MSL1: variants seen among roughly 807,000 people sequenced by gnomAD.
The protein encoded by MSL1 is male-specific lethal 1 homolog.
Under a neutral mutation model 64.6 loss-of-function variants are expected in MSL1, and 21 were observed. That is an observed-to-expected ratio of 0.33 (90% CI 0.23 to 0.47). The LOEUF is 0.47. MSL1 is among the 20% of genes least tolerant of loss of function. The probability of loss-of-function intolerance (pLI) is 1.00; values close to 1 mark genes in which losing one functional copy is unlikely to be tolerated. For missense variants in MSL1, 664 were observed against 793.2 expected, an observed-to-expected ratio of 0.84 and a Z score of 1.96; for synonymous variants, 339 against 329.6, an observed-to-expected ratio of 1.03 and a Z score of -0.31.
chr17:40,134,515 A>C lies in MSL1; in HGVS notation c.*146A>C. ...ATACTTCCTTGACTTTGTTTTCATTACTCTGATTTCACAAAAACTCTTTCA... is the reference window on the plus strand; with the variant it reads ...ATACTTCCTTGACTTTGTTTTCATTCCTCTGATTTCACAAAAACTCTTTCA... On this transcript the variant is annotated 3_prime_UTR_variant, in exon 9 of 9. Coordinates refer to ENST00000398532, the MANE Select transcript of MSL1 (RefSeq NM_001365919.1). The C allele has an allele frequency of 1.5e-6, 1 of 659,398 alleles. No individual in the cohort carries two copies. The highest frequency in any genetic ancestry group is 2.6e-6 in the Non-Finnish European group (1 of 385,906). The allele number at this position is 659,398 out of a possible 1,614,324, so 40.8% of individuals were successfully genotyped here. A position where few individuals can be genotyped will look rare whatever the true frequency, so the allele number is the denominator to read the frequency against.
intron 1 of MSL1, among the ~76,000 whole-genome samples, chr17:40,124,292 A>G (rs1398724379): frequency 3.3e-5 from 5 of 151,618 alleles, no homozygotes; most frequent in African/African-American, 9.7e-5. Context: ...GGTTTCTACA[A>G]TTGTTGTGTT....
At chr17:40,133,018 T>C in intron 5 of MSL1, 24 bp from the exon 6 acceptor site, 1 of 1,599,768 alleles carries the variant, frequency 6.3e-7, no homozygotes, top group Non-Finnish European at 8.5e-7. Flanking sequence ...ATAAATAGCT[T>C]ATCAGCTGCT....
intron 1 of MSL1, among the ~76,000 whole-genome samples, chr17:40,125,265 C>A (rs1264597547): frequency 2.6e-5 from 4 of 152,090 alleles, no homozygotes; most frequent in Non-Finnish European, 5.9e-5. Context: ...TGTGTTACCT[C>A]AAATTCAAAG....
rs924206084 is a variant in MSL1 at position 40,122,990 on chromosome 17, C to T, written c.378C>T (p.Ser126=). Residue 126 remains serine, a synonymous_variant, in exon 1 of 9, where the codon AGC becomes AGT. Coordinates refer to ENST00000398532, the MANE Select transcript of MSL1 (RefSeq NM_001365919.1). The surrounding 1 kb of genome is among the most constrained non-coding windows in gnomAD (Gnocchi z 4.2). The part of the protein sequence containing the change: ...GEPAAAGAGC[S]PRPKYQAVLP... The stretch of plus-strand genomic sequence containing the variant: ...CTGCCGCAGCCGGAGCCGGCTGCAG[C>T]CCCCGGCCCAAGTATCAGGCGGTGC... The T allele has an allele frequency of 2.1e-5, 32 of 1,528,358 alleles. No homozygotes were observed. Among genetic ancestry groups the T allele is most frequent in the Non-Finnish European group, 2.7e-5 (31 of 1,144,210 alleles). The allele number at this position is 1,528,358 out of a possible 1,614,324, so 94.7% of individuals were successfully genotyped here.
rs1174277218 is a variant in MSL1, at chr17:40,122,530, C to G, written c.-83C>G. On this transcript the variant is annotated 5_prime_UTR_variant, in exon 1 of 9. Coordinates refer to ENST00000398532, the MANE Select transcript of MSL1 (RefSeq NM_001365919.1). The surrounding 1 kb of genome is among the most constrained non-coding windows in gnomAD (Gnocchi z 4.2). ...GGCGAGCCCGCCAAACTCCCCTCCCCCCCCTCAGTCCTCGACCCCCCGCAC... is the reference window on the plus strand; with the variant it reads ...GGCGAGCCCGCCAAACTCCCCTCCCGCCCCTCAGTCCTCGACCCCCCGCAC... 4 of 852,856 alleles carry G rather than the reference C, an allele frequency of 4.7e-6. No homozygotes were observed. The highest frequency in any genetic ancestry group is 1.8e-5 in the African/African-American group (1 of 55,764). The allele number at this position is 852,856 out of a possible 1,614,324, so 52.8% of individuals were successfully genotyped here.
Position 40,136,001 on chromosome 17 carries a change from TAAG to T in MSL1, c.*1633_*1635del, listed in dbSNP as rs949706527. The stretch of plus-strand genomic sequence containing the variant: ...CACTAGGGGCTCTCATCTCACACCT[TAAG>T]GAGGAGATTTCTAGAAAAACTGGGC... On this transcript the variant is annotated 3_prime_UTR_variant, in exon 9 of 9. Transcript: ENST00000398532. The T allele has an allele frequency of 1.3e-5, 2 of 152,284 alleles. No homozygotes were observed. Among genetic ancestry groups the T allele is most frequent in the Non-Finnish European group, 2.9e-5 (2 of 68,022 alleles). 9.4% of individuals were successfully genotyped at this position (152,284 alleles called of 1,614,324 possible).
chr17:40,125,079 A>G (rs897305554), intron 1 of MSL1, among the ~76,000 whole-genome samples: 4 of 152,238 alleles, frequency 2.6e-5, no homozygotes, highest in African/African-American at 9.6e-5. Context: ...TAACCCAGAT[A>G]AAATTCTTGT....
In MSL1 at chr17:40,122,354, A is replaced by C. The variant is rs987138896; in HGVS notation, c.-259A>C. The C allele has an allele frequency of 1.8e-5, 4 of 216,948 alleles. No individual in the cohort carries two copies. Among genetic ancestry groups the C allele is most frequent in the Non-Finnish European group, 3.5e-5 (4 of 113,240 alleles). 13.4% of individuals were successfully genotyped at this position (216,948 alleles called of 1,614,324 possible). On this transcript the variant is annotated 5_prime_UTR_variant, in exon 1 of 9. Transcript: ENST00000398532. This position sits in a 1 kb window ranked among gnomAD's most constrained non-coding sequence, Gnocchi z 4.2. ...GTGCGAGCTCCTGCCTCTGAGGCGA[A>C]GGCGGCGGCGGCGGCAGCAGAGGCG...
chr17:40,123,519 C>T, intron 1 of MSL1, 139 bp downstream of exon 1: 1 of 741,602 alleles, frequency 1.3e-6, no homozygotes, highest in Non-Finnish European at 2.2e-6. Context: ...ATCTTAGGCG[C>T]TGGGTCTCTG....
At chr17:40,134,228 A>G in intron 8 of MSL1, 51 bp from the exon 9 acceptor site, 1 of 1,484,116 alleles carries the variant, frequency 6.7e-7, no homozygotes, top group South Asian at 1.2e-5. Context: ...TCATGTCCAC[A>G]CTGAATCCCT....
intron 2 of MSL1, among the ~76,000 whole-genome samples, chr17:40,127,241 C>T (rs1412044026): frequency 2.0e-5 from 3 of 151,122 alleles, no homozygotes; most frequent in Middle Eastern, 3.2e-3. Flanking sequence ...GAGGTATGCA[C>T]CTGTAGTCCC....
intron 5 of MSL1, 91 bp from the exon 6 acceptor site, chr17:40,132,951 T>C: frequency 7.8e-7 from 1 of 1,274,428 alleles, no homozygotes; most frequent in South Asian, 1.3e-5. Context: ...GGTGAAAGAT[T>C]TTACGTTCCT....
chr17:40,128,387 T>C (rs1988368295), intron 2 of MSL1, among the ~76,000 whole-genome samples: 1 of 145,850 alleles, frequency 6.9e-6, no homozygotes, highest in Non-Finnish European at 1.5e-5. Context: ...TTTTTTTTTT[T>C]TTTCTGAGAC....
chr17:40,131,354 ATTTTC>A lies in MSL1; in HGVS notation c.1376-173_1376-169del, dbSNP rs1479242618. Reference sequence around the variant, plus strand: ...TGTAAAAAAAAAAAGTGGTGGGCTTATTTTCTTTTCTTTTGTCTGTTGTTCCCTCT... The same window carrying A: ...TGTAAAAAAAAAAAGTGGTGGGCTTATTTTCTTTTGTCTGTTGTTCCCTCT... On this transcript the variant is annotated intron_variant, in intron 3 of 8. Transcript: ENST00000398532. The surrounding 1 kb of genome is among the most constrained non-coding windows in gnomAD (Gnocchi z 4.5). The A allele has an allele frequency of 1.9e-5, 10 of 518,160 alleles. No individual in the cohort carries two copies. The highest frequency in any genetic ancestry group is 5.6e-5 in the South Asian group (2 of 35,670). 32.1% of individuals were successfully genotyped at this position (518,160 alleles called of 1,614,324 possible). A position where few individuals can be genotyped will look rare whatever the true frequency, so the allele number is the denominator to read the frequency against.
Position 40,135,622 on chromosome 17 carries a change from G to A in MSL1, c.*1253G>A, listed in dbSNP as rs1988524999. 6.6e-6 allele frequency: 1 copy of A among 152,362 alleles called. No homozygotes were observed. Among genetic ancestry groups the A allele is most frequent in the African/African-American group, 2.4e-5 (1 of 41,446 alleles). 9.4% of individuals were successfully genotyped at this position (152,362 alleles called of 1,614,324 possible). A position where few individuals can be genotyped will look rare whatever the true frequency, so the allele number is the denominator to read the frequency against. ...GATTATTAGCACTTTTAGAGGAGAAGCCAAGGTATGTAGGGTGTGTGGCTG... is the reference window on the plus strand; with the variant it reads ...GATTATTAGCACTTTTAGAGGAGAAACCAAGGTATGTAGGGTGTGTGGCTG... On this transcript the variant is annotated 3_prime_UTR_variant, in exon 9 of 9. Coordinates refer to ENST00000398532, the MANE Select transcript of MSL1 (RefSeq NM_001365919.1).
Position 40,122,480 on chromosome 17 carries a change from C to T in MSL1, c.-133C>T. 3.4e-6 allele frequency: 2 copies of T among 583,764 alleles called. No individual in the cohort carries two copies. The highest frequency in any genetic ancestry group is 5.2e-6 in the Non-Finnish European group (2 of 383,024). 36.2% of individuals were successfully genotyped at this position (583,764 alleles called of 1,614,324 possible). On this transcript the variant is annotated 5_prime_UTR_variant, in exon 1 of 9. Coordinates refer to ENST00000398532, the MANE Select transcript of MSL1 (RefSeq NM_001365919.1). This position sits in a 1 kb window ranked among gnomAD's most constrained non-coding sequence, Gnocchi z 4.2. ...CCGGGCCCCGGAGGAGCCGCGCTAG[C>T]GGAGGCCTGCTGCCGCGCTGCTGAG...
chr17:40,127,980 G>A (rs931470248), intron 2 of MSL1, among the ~76,000 whole-genome samples: 3 of 152,128 alleles, frequency 2.0e-5, no homozygotes, highest in Non-Finnish European at 2.9e-5. Context: ...AAAATTAGCC[G>A]GGTGTGGTGC....
rs899164342 is a variant in MSL1, at chr17:40,133,772, C to G, written c.1682-55C>G. 2.5e-6 allele frequency: 4 copies of G among 1,611,032 alleles called. No homozygotes were observed. In the African/African-American group the frequency reaches 4.0e-5, roughly 16 times the overall value. ...GTGTATTTTGGAGCAGATATAGCTTCTAGACATTTCCCATCTGTATTACTA... is the reference window on the plus strand; with the variant it reads ...GTGTATTTTGGAGCAGATATAGCTTGTAGACATTTCCCATCTGTATTACTA... On this transcript the variant is annotated intron_variant, in intron 7 of 8. Coordinates refer to ENST00000398532, the MANE Select transcript of MSL1 (RefSeq NM_001365919.1).
rs1453396650 is a variant in MSL1 at position 40,135,664 on chromosome 17, C to T, written c.*1295C>T. The T allele has an allele frequency of 6.6e-6, 1 of 152,166 alleles. No homozygotes were observed. Among genetic ancestry groups the T allele is most frequent in the Non-Finnish European group, 1.5e-5 (1 of 68,030 alleles). 9.4% of individuals were successfully genotyped at this position (152,166 alleles called of 1,614,324 possible). On this transcript the variant is annotated 3_prime_UTR_variant, in exon 9 of 9. Coordinates refer to ENST00000398532, the MANE Select transcript of MSL1 (RefSeq NM_001365919.1). ...GTGTGGCTGGCCCATCAGTGGAGCA[C>T]GAAGAGAGAATGGGATACCATTGTG...
Sources: allele counts gnomAD v4.1 joint callset (sites outside exome capture counted in the v4.1 genomes callset), GRCh38; gene constraint gnomAD v4.1.1; non-coding constraint Gnocchi (gnomAD v3.1); transcripts MANE v1.5; gene names NCBI Gene and HGNC (gene_info 2026-07-23, HGNC 2026-07-21).